Variants in RNF213 observed in about 807,000 individuals in gnomAD.
RNF213 encodes E3 ubiquitin-protein ligase RNF213.
RNF213 carries 341 observed loss-of-function variants against 514.4 expected under a neutral mutation model. That is an observed-to-expected ratio of 0.66 (90% confidence interval 0.61 to 0.73). The LOEUF is 0.73. Ranked by LOEUF, RNF213 falls within the 30% of genes least tolerant of loss-of-function variation. RNF213 has a pLI of 0.00. For synonymous variants in RNF213, 2,655 were observed against 2,658.2 expected (o/e 1.00, Z 0.04); for missense variants, 5,767 against 6,615.6 (o/e 0.87, Z 4.45).
rs1313558270 is a variant in RNF213 at position 80,386,793 on chromosome 17, G to A, written c.14824G>A (p.Glu4942Lys). ...LILSNCQYQV[E>K]EGRETVQEFD... ...TCTCTCCAACTGCCAGTACCAGGTG[G>A]AGGAGGGCAGAGAGACCGTGCAGGA... Residue 4942 changes from glutamate (E) to lysine (K), a missense_variant, in exon 63 of 68, where the codon GAG becomes AAG. By Grantham distance (56) the Glu-to-Lys change is moderately conservative. Around this residue, in one of 13 missense-constraint regions of RNF213, gnomAD observed 1,245 missense variants for 1,339.0 expected, o/e 0.93. Coordinates refer to ENST00000582970, the MANE Select transcript of RNF213 (RefSeq NM_001256071.3). 6.2e-7 allele frequency: 1 copy of A among 1,614,254 alleles called. No homozygotes were observed. The highest frequency in any genetic ancestry group is 1.1e-5 in the South Asian group (1 of 91,086).
At chr17:80,380,720 C>T in intron 55 of RNF213, 111 bp from the exon 56 acceptor site, 2 of 1,263,580 alleles carry the variant, frequency 1.6e-6, no homozygotes, top group Non-Finnish European at 2.3e-6. Flanking sequence ...AGCAAGTACT[C>T]TTCACATAAC....
At chr17:80,274,445 G>A (rs1467269043) in intron 3 of RNF213, among the ~76,000 whole-genome samples, 5 of 148,592 alleles carry the variant, frequency 3.4e-5, no homozygotes, top group South Asian at 2.2e-4. Context: ...GTCAGCTCCC[G>A]GGTTTCTTGC....
At chr17:80,356,010 T>TTA (rs2078801969) in intron 36 of RNF213, among the ~76,000 whole-genome samples, 1 of 151,422 alleles carries the variant, frequency 6.6e-6, no homozygotes, top group South Asian at 2.1e-4. Context: ...CTTGATGCTT[T>TTA]TTTTTTTTTG....
intron 3 of RNF213, among the ~76,000 whole-genome samples, chr17:80,275,480 A>G (rs2044020960): frequency 6.6e-6 from 1 of 152,016 alleles, no homozygotes; most frequent in Admixed American, 6.6e-5. Flanking sequence ...GGGGAATAAA[A>G]TTTTGAAAAG....
intron 32 of RNF213, chr17:80,352,516 T>G: frequency 1.8e-6 from 1 of 542,410 alleles, no homozygotes; most frequent in East Asian, 2.9e-5. Context: ...ACCAGCTATT[T>G]ATGACATAGA....
chr17:80,329,787 C>T (rs760871318), intron 20 of RNF213, among the ~76,000 whole-genome samples: 1 of 152,148 alleles, frequency 6.6e-6, no homozygotes, highest in East Asian at 1.9e-4. Context: ...GCCGAAATCA[C>T]GCCACAACAC....
Position 80,336,229 on chromosome 17 carries a change from G to A in RNF213, c.4378G>A (p.Asp1460Asn). The A allele has an allele frequency of 6.5e-7, 1 of 1,537,232 alleles. No individual in the cohort carries two copies. Among genetic ancestry groups the A allele is most frequent in the South Asian group, 1.2e-5 (1 of 84,062 alleles). ...AGCGGGGGAGAATGACATTGATGTG[G>A]ACCGGGTGGCCTGCTTCCATGACGC... is the stretch of plus-strand genomic sequence containing the variant. Reference protein sequence around the residue: ...ISAGENDIDVDRVACFHDAVQ... With the variant: ...ISAGENDIDVNRVACFHDAVQ... Residue 1460 changes from aspartate (D) to asparagine (N), a missense_variant, in exon 23 of 68, where the codon GAC becomes AAC. Physicochemically the swap from Asp to Asn is conservative, Grantham distance 23 (BLOSUM62 1). This residue lies in a region of RNF213 where 15 missense variants were observed against 39.0 expected (regional missense o/e 0.38). Coordinates refer to ENST00000582970, the MANE Select transcript of RNF213 (RefSeq NM_001256071.3).
intron 10 of RNF213, among the ~76,000 whole-genome samples, chr17:80,296,634 T>C (rs2143418093): frequency 6.6e-6 from 1 of 152,362 alleles, no homozygotes; most frequent in South Asian, 2.1e-4. Flanking sequence ...AGGTAGCCTT[T>C]CCTGACCAGC....
At chr17:80,385,469 A>T (rs2080197068) in intron 60 of RNF213, 69 bp from the exon 61 acceptor site, 9 of 1,331,010 alleles carry the variant, frequency 6.8e-6, no homozygotes, top group Non-Finnish European at 9.7e-6. Context: ...CAGAGCATGT[A>T]ACTAGGGTGG....
At chr17:80,342,166 T>A (rs1257389364) in intron 26 of RNF213, 2 of 152,298 alleles carry the variant, frequency 1.3e-5, no homozygotes, top group African/African-American at 4.8e-5. Context: ...GATGCCCCCA[T>A]GCTGTCACGG....
chr17:80,354,772 G>A (rs1231297292), intron 36 of RNF213, 196 bp downstream of exon 36: 1 of 646,310 alleles, frequency 1.5e-6, no homozygotes, highest in East Asian at 2.7e-5. Context: ...GCAGGTGCTG[G>A]ACTCTTCCTC....
chr17:80,312,158 A>G (rs1021997042), intron 14 of RNF213, among the ~76,000 whole-genome samples: 1 of 152,016 alleles, frequency 6.6e-6, no homozygotes, highest in African/African-American at 2.4e-5. Flanking sequence ...AAAGAAAAGA[A>G]AAAGACCACA....
chr17:80,313,596 G>A (rs2045653924), intron 15 of RNF213, among the ~76,000 whole-genome samples: 3 of 149,312 alleles, frequency 2.0e-5, no homozygotes, highest in Admixed American at 6.7e-5. Flanking sequence ...GGAGGTGATG[G>A]TGGTGGTGGA....
intron 11 of RNF213, among the ~76,000 whole-genome samples, chr17:80,300,678 T>C (rs2045144718): frequency 1.3e-5 from 2 of 152,220 alleles, no homozygotes; most frequent in Admixed American, 1.3e-4. Context: ...CTCAGTCTTC[T>C]GGGTAGCTGG....
intron 10 of RNF213, among the ~76,000 whole-genome samples, chr17:80,296,339 A>G (rs541497212): frequency 1.2e-3 from 187 of 152,218 alleles, no homozygotes; most frequent in African/African-American, 4.4e-3. Flanking sequence ...TGCTTTTTGA[A>G]GCTTCGTGTG....
rs143170125 is a variant in RNF213 at position 80,309,019 on chromosome 17, A to C, written c.2503A>C (p.Ile835Leu). 1 of 1,613,858 alleles carries C rather than the reference A, an allele frequency of 6.2e-7. No homozygotes were observed. Among genetic ancestry groups the C allele is most frequent in the Admixed American group, 1.7e-5 (1 of 59,992 alleles). ...LRLLDTYRDK[I>L]PEEALSPSYL... ...TTCTCTTAACTCTTTGCGGGGCAGGATTCCCGAGGAGGCCTTGTCACCATC... is the reference window on the plus strand; with the variant it reads ...TTCTCTTAACTCTTTGCGGGGCAGGCTTCCCGAGGAGGCCTTGTCACCATC... Residue 835 changes from isoleucine (I) to leucine (L), a missense_variant and splice_region_variant, in exon 14 of 68, where the codon ATT (isoleucine) becomes CTT (leucine). Physicochemically the swap from Ile to Leu is conservative, Grantham distance 5 (BLOSUM62 2). Coordinates refer to ENST00000582970, the MANE Select transcript of RNF213 (RefSeq NM_001256071.3).
intron 54 of RNF213, among the ~76,000 whole-genome samples, chr17:80,378,866 T>C (rs1017729502): frequency 6.6e-6 from 1 of 152,196 alleles, no homozygotes; most frequent in South Asian, 2.1e-4. Flanking sequence ...ATTATGTGAT[T>C]AGATTTTTTT....
At chr17:80,374,347 G>C (rs2079653825) in intron 49 of RNF213, 111 bp from the exon 50 acceptor site, 4 of 1,419,590 alleles carry the variant, frequency 2.8e-6, no homozygotes, top group Middle Eastern at 2.3e-4. Flanking sequence ...ATCCCAGCTT[G>C]GCTGCCTTTA....
At chr17:80,368,406 A>G (rs1023773894) in intron 44 of RNF213, among the ~76,000 whole-genome samples, 1 of 151,518 alleles carries the variant, frequency 6.6e-6, no homozygotes, top group Non-Finnish European at 1.5e-5. Context: ...GGTCCTCACC[A>G]GAGGCCCAAG....
Sources: allele counts gnomAD v4.1 joint callset (sites outside exome capture counted in the v4.1 genomes callset), GRCh38; gene constraint gnomAD v4.1.1; regional missense constraint gnomAD v4.1.1; transcripts MANE v1.5; gene names NCBI Gene and HGNC (gene_info 2026-07-23, HGNC 2026-07-21).